The following RBFOX1 variants were observed in gnomAD, a reference collection of about 807,000 sequenced individuals.
RBFOX1 encodes the protein RNA binding fox-1 homolog 1.
Under a neutral mutation model 57.7 loss-of-function variants are expected in RBFOX1, and 8 were observed. The ratio of observed to expected loss-of-function variants is 0.14; its 90% CI spans 0.08 to 0.25. RBFOX1 has a LOEUF of 0.25. RBFOX1 is among the 10% of genes least tolerant of loss of function. RBFOX1 has a pLI of 1.00. For synonymous variants in RBFOX1, 326 were observed against 222.4 expected (o/e 1.47, Z -4.15); for missense variants, 611 against 548.5 (o/e 1.11, Z -1.14).
At chr16:7,116,904 C>T (rs930107477) in intron 4 of RBFOX1, among the ~76,000 whole-genome samples, 5 of 152,080 alleles carry the variant, frequency 3.3e-5, no homozygotes, top group African/African-American at 4.8e-5. Flanking sequence ...GTCATGTGTG[C>T]TAGGGAGAGG....
intron 2 of RBFOX1, among the ~76,000 whole-genome samples, chr16:6,335,517 C>T (rs753570232): frequency 3.9e-5 from 6 of 151,990 alleles, no homozygotes; most frequent in Non-Finnish European, 5.9e-5. Context: ...CGGTGGTTCA[C>T]GCCTGTAATC....
Position 6,724,775 on chromosome 16 carries a change from G to A in RBFOX1, c.-16+70125G>A, listed in dbSNP as rs142048116. 8.1e-3 allele frequency among the ~76,000 whole-genome samples: 1,237 copies of A among 152,024 alleles called. 10 individuals carry two copies. The highest frequency in any genetic ancestry group is 0.019 in the South Asian group (93 of 4,810). Reference sequence around the variant, plus strand: ...AAGTTCTGGGGTACACTTGCAGAATGTGCAGGTTTGTTACATAAGTAAATG... The same window carrying A: ...AAGTTCTGGGGTACACTTGCAGAATATGCAGGTTTGTTACATAAGTAAATG... On this transcript the variant is annotated intron_variant, in intron 3 of 15. Coordinates refer to ENST00000550418, the MANE Select transcript of RBFOX1 (RefSeq NM_018723.4).
At chr16:7,111,983 A>G (rs147802129) in intron 4 of RBFOX1, among the ~76,000 whole-genome samples, 4 of 152,298 alleles carry the variant, frequency 2.6e-5, no homozygotes, top group African/African-American at 9.6e-5. Context: ...CCCTTGAAGG[A>G]CAGATACAGT....
chr16:5,374,020 C>A (rs1004811828), intron 1 of RBFOX1, among the ~76,000 whole-genome samples: 1 of 152,246 alleles, frequency 6.6e-6, no homozygotes, highest in Non-Finnish European at 1.5e-5. Context: ...TGGGTTCAAG[C>A]GATTCTCCTG....
chr16:6,119,458 A>G (rs1338344434), intron 1 of RBFOX1, among the ~76,000 whole-genome samples: 1 of 152,148 alleles, frequency 6.6e-6, no homozygotes, highest in Non-Finnish European at 1.5e-5. Context: ...TCTTCATGGT[A>G]AGATTGTTTT....
chr16:5,468,133 C>T (rs1267694984), intron 2 of RBFOX1, among the ~76,000 whole-genome samples: 1 of 152,196 alleles, frequency 6.6e-6, no homozygotes, highest in African/African-American at 2.4e-5. Context: ...CTACTGTTGG[C>T]TGCCAGTTAT....
At chr16:6,715,430 C>T (rs1411411728) in intron 3 of RBFOX1, among the ~76,000 whole-genome samples, 1 of 152,064 alleles carries the variant, frequency 6.6e-6, no homozygotes, top group East Asian at 1.9e-4. Context: ...CATAGCAAGC[C>T]ATCAGGTTAG....
At chr16:5,369,449 C>A (rs2065805630) in intron 1 of RBFOX1, among the ~76,000 whole-genome samples, 1 of 152,236 alleles carries the variant, frequency 6.6e-6, no homozygotes, top group Non-Finnish European at 1.5e-5. Flanking sequence ...TTGCAAAAGA[C>A]CTGCTCGGTA....
At chr16:7,461,595 T>G (rs187468184) in intron 4 of RBFOX1, among the ~76,000 whole-genome samples, 37 of 152,314 alleles carry the variant, frequency 2.4e-4, no homozygotes, top group South Asian at 6.2e-4. Context: ...TACGCAGTAT[T>G]CCAGGTCATT....
At chr16:7,361,623 C>A (rs766543967) in intron 4 of RBFOX1, among the ~76,000 whole-genome samples, 3 of 152,182 alleles carry the variant, frequency 2.0e-5, no homozygotes, top group Non-Finnish European at 4.4e-5. Flanking sequence ...AGCAACCAAA[C>A]ACACACCAAA....
intron 4 of RBFOX1, among the ~76,000 whole-genome samples, chr16:7,187,575 C>G (rs374361035): frequency 1.9e-4 from 29 of 151,066 alleles, no homozygotes; most frequent in Middle Eastern, 3.4e-3. Flanking sequence ...TGTAGTCCCA[C>G]CTACTCGGGA....
intron 3 of RBFOX1, among the ~76,000 whole-genome samples, chr16:6,731,381 C>G (rs970423): frequency 0.91 from 137,788 of 152,102 alleles, 64,031 homozygotes; most frequent in East Asian, 1. Flanking sequence ...ACTTTAGAAA[C>G]AGGGGATCAG....
chr16:7,518,160 C>A lies in RBFOX1; in HGVS notation c.41C>A (p.Ala14Glu). ...TTGATTTTTCAGGGTAATCAGGAAGCAGCCGCTGCCCCTGACACAATGGCT... is the reference window on the plus strand; with the variant it reads ...TTGATTTTTCAGGGTAATCAGGAAGAAGCCGCTGCCCCTGACACAATGGCT... ...EREQLRGNQEAAAAPDTMAQP... is the reference protein window; with the variant it reads ...EREQLRGNQEEAAAPDTMAQP... Residue 14 changes from alanine (A) to glutamate (E), a missense_variant, in exon 5 of 16, where the codon GCA becomes GAA. Around this residue, in one of 3 missense-constraint regions of RBFOX1, gnomAD observed 245 missense variants for 159.1 expected, o/e 1.54. Transcript: ENST00000550418. 1 of 1,611,034 alleles carries A rather than the reference C, an allele frequency of 6.2e-7. No individual in the cohort carries two copies. Among genetic ancestry groups the A allele is most frequent in the East Asian group, 2.2e-5 (1 of 44,816 alleles).
intron 4 of RBFOX1, among the ~76,000 whole-genome samples, chr16:7,466,847 A>C (rs1024479203): frequency 6.6e-6 from 1 of 152,198 alleles, no homozygotes; most frequent in Admixed American, 6.5e-5. Context: ...AGGAATAAGG[A>C]CAAATTAGAG....
At chr16:7,054,594 T>C (rs374495290) in intron 4 of RBFOX1, among the ~76,000 whole-genome samples, 1 of 148,546 alleles carries the variant, frequency 6.7e-6, no homozygotes, top group Non-Finnish European at 1.5e-5. Flanking sequence ...AACTGGAAGG[T>C]AAATACCTGT....
At chr16:6,481,783 A>C (rs1486768326) in intron 2 of RBFOX1, among the ~76,000 whole-genome samples, 2 of 152,338 alleles carry the variant, frequency 1.3e-5, no homozygotes, top group Non-Finnish European at 2.9e-5. Flanking sequence ...CTTTATGGTT[A>C]TCTCAGCATC....
At chr16:6,931,259 C>CA (rs547697510) in intron 3 of RBFOX1, among the ~76,000 whole-genome samples, 2,138 of 137,416 alleles carry the variant, frequency 0.016, 57 homozygotes, top group African/African-American at 0.05. Flanking sequence ...TTGGTGCTAC[C>CA]AAAAAAAAAA....
intron 2 of RBFOX1, among the ~76,000 whole-genome samples, chr16:6,523,761 C>A (rs753766403): frequency 2.0e-5 from 3 of 152,084 alleles, no homozygotes; most frequent in Non-Finnish European, 4.4e-5. Flanking sequence ...TATAAAAAAG[C>A]GACTATTACA....
intron 4 of RBFOX1, among the ~76,000 whole-genome samples, chr16:7,091,120 T>G (rs1228441156): frequency 8.6e-6 from 1 of 116,460 alleles, no homozygotes; most frequent in Admixed American, 9.1e-5. Context: ...TTTATAACCT[T>G]TTCGTTTCTC....
Sources: gnomAD v4.1 joint callset for allele counts (sites outside exome capture counted in the v4.1 genomes callset) on GRCh38, gnomAD v4.1.1 for gene constraint, gnomAD v4.1.1 regional missense constraint, MANE v1.5 for transcripts, NCBI Gene and HGNC (gene_info 2026-07-23, HGNC 2026-07-21) for gene names.